Variants in DNAH9 observed in about 807,000 individuals in gnomAD.
The protein encoded by DNAH9 is dynein axonemal heavy chain 9.
DNAH9 carries 345 observed loss-of-function variants against 471.6 expected under a neutral mutation model. The ratio of observed to expected loss-of-function variants is 0.73; its 90% CI spans 0.67 to 0.80. The LOEUF (loss-of-function observed/expected upper bound fraction) is 0.80. Among genes scored for constraint, DNAH9 ranks in the 30% least tolerant of loss-of-function variants. The probability of loss-of-function intolerance (pLI) is 0.00; values close to 1 mark genes in which losing one functional copy is unlikely to be tolerated. For synonymous variants in DNAH9, 2,093 were observed against 2,123.6 expected (o/e 0.99, Z 0.40); for missense variants, 5,407 against 5,609.2 (o/e 0.96, Z 1.15).
Position 11,623,348 on chromosome 17 carries a change from C to T in DNAH9, c.1350+3567C>T, listed in dbSNP as rs968491377. Reference sequence around the variant, plus strand: ...CTTCCTCCCTTTTCACTTGGTCCCCCTTTCACTTTGTTCTCCTTCTCTATT... The same window carrying T: ...CTTCCTCCCTTTTCACTTGGTCCCCTTTTCACTTTGTTCTCCTTCTCTATT... On this transcript the variant is annotated intron_variant, in intron 6 of 68. Transcript: ENST00000262442. The surrounding 1 kb of genome is among the most constrained non-coding windows in gnomAD (Gnocchi z 4.1). 1.3e-5 allele frequency among the ~76,000 whole-genome samples: 2 copies of T among 152,056 alleles called. No individual in the cohort carries two copies. Among genetic ancestry groups the T allele is most frequent in the Non-Finnish European group, 2.9e-5 (2 of 68,004 alleles).
chr17:11,897,970 G>A (rs1287146433), intron 59 of DNAH9, among the ~76,000 whole-genome samples: 3 of 152,134 alleles, frequency 2.0e-5, no homozygotes, highest in East Asian at 1.9e-4. Flanking sequence ...AGGGAAGGAT[G>A]CTTCCTTGCC....
intron 5 of DNAH9, among the ~76,000 whole-genome samples, chr17:11,618,309 C>T (rs921682442): frequency 6.6e-5 from 10 of 152,066 alleles, no homozygotes; most frequent in Admixed American, 3.3e-4. Flanking sequence ...ACTAGAGGGC[C>T]GGGCGCGGTG....
chr17:11,841,092 G>A (rs951211510), intron 49 of DNAH9, among the ~76,000 whole-genome samples: 1 of 152,122 alleles, frequency 6.6e-6, no homozygotes, highest in Non-Finnish European at 1.5e-5. Context: ...CCACATCCTG[G>A]CCAACCTTAG....
intron 36 of DNAH9, among the ~76,000 whole-genome samples, chr17:11,764,724 C>A (rs142469498): frequency 6.6e-6 from 1 of 151,144 alleles, no homozygotes; most frequent in South Asian, 2.1e-4. Flanking sequence ...AAAAAAATTG[C>A]GAAGAGGGAA....
At chr17:11,648,978 T>C (rs1186003112) in intron 12 of DNAH9, among the ~76,000 whole-genome samples, 2 of 151,972 alleles carry the variant, frequency 1.3e-5, no homozygotes, top group African/African-American at 4.8e-5. Flanking sequence ...ATACAAAAAA[T>C]TAGCCAGGCG....
intron 50 of DNAH9, among the ~76,000 whole-genome samples, chr17:11,861,009 A>G (rs1427025339): frequency 6.8e-6 from 1 of 147,382 alleles, no homozygotes; most frequent in African/African-American, 2.5e-5. Context: ...CTTTACATTG[A>G]TGTGCTTAGC....
At position 11,892,487 on chromosome 17, in the gene DNAH9, G is replaced by T; in HGVS notation, c.11283+540G>T. Among the ~76,000 whole-genome samples the T allele has an allele frequency of 6.6e-6, 1 of 152,132 alleles. No homozygotes were observed. The highest frequency in any genetic ancestry group is 1.9e-4 in the East Asian group (1 of 5,192). ...GGAAGCAGGGATTTCCGATGTTGCT[G>T]CATCTTTAAGAAGAAACCTTTGTCT... On this transcript the variant is annotated intron_variant, in intron 58 of 68. Coordinates refer to ENST00000262442, the MANE Select transcript of DNAH9 (RefSeq NM_001372.4). The surrounding 1 kb of genome is among the most constrained non-coding windows in gnomAD (Gnocchi z 4.3).
chr17:11,651,458 T>C (rs1273239157), intron 13 of DNAH9, 134 bp downstream of exon 13: 12 of 891,028 alleles, frequency 1.3e-5, no homozygotes, highest in Non-Finnish European at 1.8e-5. Context: ...CTTTGACACA[T>C]ATCCAAGCAG....
Position 11,675,806 on chromosome 17 carries a change from A to G in DNAH9, c.3354-3951A>G, listed in dbSNP as rs112199988. Among the ~76,000 whole-genome samples, 701 of 152,158 alleles carry G rather than the reference A, an allele frequency of 4.6e-3. 16 individuals carry two copies. The East Asian group carries it at 0.055, about 12-fold the overall frequency. On this transcript the variant is annotated intron_variant, in intron 17 of 68. Coordinates refer to ENST00000262442, the MANE Select transcript of DNAH9 (RefSeq NM_001372.4). ...AACAAAAAGTATTATCTTTTTCAAT[A>G]TACTCTCTGGCTTATTGTGTTTGCA...
intron 49 of DNAH9, among the ~76,000 whole-genome samples, chr17:11,850,565 C>T (rs770542420): frequency 2.6e-5 from 4 of 151,562 alleles, no homozygotes; most frequent in Admixed American, 6.6e-5. Flanking sequence ...GCAGGAGAAT[C>T]GCCTGAACCC....
intron 14 of DNAH9, 98 bp from the exon 15 acceptor site, chr17:11,664,735 T>C: frequency 9.9e-7 from 1 of 1,010,208 alleles, no homozygotes; most frequent in Non-Finnish European, 1.5e-6. Flanking sequence ...CACAAGAGAG[T>C]TTTTTTCTCC....
intron 22 of DNAH9, among the ~76,000 whole-genome samples, chr17:11,696,226 G>C (rs1390664622): frequency 6.6e-6 from 1 of 152,176 alleles, no homozygotes; most frequent in Non-Finnish European, 1.5e-5. Flanking sequence ...ACAAAAGGTA[G>C]CATGCTACGC....
chr17:11,909,908 T>C (rs549037699), intron 61 of DNAH9, among the ~76,000 whole-genome samples: 8 of 152,330 alleles, frequency 5.3e-5, no homozygotes, highest in African/African-American at 1.7e-4. Flanking sequence ...TTCCATGGCA[T>C]CTCACCACCT....
intron 21 of DNAH9, 107 bp downstream of exon 21, chr17:11,694,105 C>T (rs1597488239): frequency 9.3e-6 from 13 of 1,404,052 alleles, no homozygotes; most frequent in Non-Finnish European, 6.8e-6. Context: ...CTTGCATGTC[C>T]CTTTCTTTGC....
In DNAH9 at chr17:11,598,933, T is replaced by C. The variant is rs1193241881; in HGVS notation, c.417+18T>C. The C allele has an allele frequency of 3.5e-6, 4 of 1,129,002 alleles. No individual in the cohort carries two copies. The highest frequency in any genetic ancestry group is 4.4e-6 in the Non-Finnish European group (4 of 914,642). 69.9% of individuals were successfully genotyped at this position (1,129,002 alleles called of 1,614,324 possible). On this transcript the variant is annotated intron_variant, in intron 1 of 68. Coordinates refer to ENST00000262442, the MANE Select transcript of DNAH9 (RefSeq NM_001372.4). Reference sequence around the variant, plus strand: ...TCTCGGAGGTGAGGGTGGGTTAGTGTCCCCGCGCGGCTAAAGCTGGGTGGG... The same window carrying C: ...TCTCGGAGGTGAGGGTGGGTTAGTGCCCCCGCGCGGCTAAAGCTGGGTGGG...
At chr17:11,955,845 G>A (rs1286257524) in intron 67 of DNAH9, among the ~76,000 whole-genome samples, 1 of 152,200 alleles carries the variant, frequency 6.6e-6, no homozygotes, top group Non-Finnish European at 1.5e-5. Flanking sequence ...ATTTTATTAG[G>A]AGCTGGTCAC....
At chr17:11,672,624 G>A (rs2073989670) in intron 17 of DNAH9, among the ~76,000 whole-genome samples, 1 of 152,126 alleles carries the variant, frequency 6.6e-6, no homozygotes, top group Non-Finnish European at 1.5e-5. Context: ...GTCTGGCTCA[G>A]AGGTTTCCCT....
chr17:11,952,267 G>GTAGCTGGGATTACAGGCATGCACCATT (rs1331879977), intron 67 of DNAH9, among the ~76,000 whole-genome samples: 1 of 137,070 alleles, frequency 7.3e-6, no homozygotes, highest in Non-Finnish European at 1.5e-5. Flanking sequence ...AGCCATCCAA[G>GTAGCTGGGATTACAGGCATGCACCATT]TAGCTGGGAT....
At chr17:11,681,575 G>A (rs1314050779) in intron 19 of DNAH9, among the ~76,000 whole-genome samples, 1 of 152,208 alleles carries the variant, frequency 6.6e-6, no homozygotes, top group African/African-American at 2.4e-5. Context: ...GTGCCAGCTA[G>A]ATTGGGTGCC....
Sources: allele counts gnomAD v4.1 joint callset (sites outside exome capture counted in the v4.1 genomes callset), GRCh38; gene constraint gnomAD v4.1.1; non-coding constraint Gnocchi (gnomAD v3.1); transcripts MANE v1.5; gene names NCBI Gene and HGNC (gene_info 2026-07-23, HGNC 2026-07-21).